Variants in STK3 observed in about 807,000 individuals in gnomAD.
STK3 encodes serine/threonine-protein kinase 3.
Under a neutral mutation model 58.0 loss-of-function variants are expected in STK3, and 41 were observed. That is an observed-to-expected ratio of 0.71 (90% CI 0.55 to 0.92). The LOEUF is 0.92. Among genes scored for constraint, STK3 ranks in the 40% least tolerant of loss-of-function variants. STK3 has a pLI of 0.00. For synonymous variants in STK3, 170 were observed against 191.0 expected (o/e 0.89, Z 0.91); for missense variants, 479 against 602.7 (o/e 0.79, Z 2.15).
At chr8:98,432,373 G>T (rs1283603811) in intron 3 of STK3, 1 of 167,090 alleles carries the variant, frequency 6.0e-6, no homozygotes, top group Non-Finnish European at 1.5e-5. Flanking sequence ...TATGGGCCAG[G>T]CTTTGATATC....
chr8:98,561,028 C>T (rs141525454), intron 8 of STK3, among the ~76,000 whole-genome samples: 4 of 151,818 alleles, frequency 2.6e-5, no homozygotes, highest in Admixed American at 6.6e-5. Flanking sequence ...AGCAAGATGC[C>T]GTGTCCAAAA....
chr8:98,854,094 A>C (rs1836578677), intron 3 of STK3, among the ~76,000 whole-genome samples: 1 of 152,206 alleles, frequency 6.6e-6, no homozygotes, highest in Non-Finnish European at 1.5e-5. Flanking sequence ...AAAAGAAATA[A>C]AAGACATTGA....
intron 6 of STK3, among the ~76,000 whole-genome samples, chr8:98,636,274 T>C (rs1317118298): frequency 6.6e-6 from 1 of 152,150 alleles, no homozygotes; most frequent in African/African-American, 2.4e-5. Flanking sequence ...AAAGCTAGGA[T>C]TCTACCACTG....
intron 6 of STK3, among the ~76,000 whole-genome samples, chr8:98,657,714 CA>C (rs377123993): frequency 6.7e-6 from 1 of 149,980 alleles, no homozygotes; most frequent in Admixed American, 6.6e-5. Flanking sequence ...TGCAAAAAAG[CA>C]AAAAAAAGAG....
chr8:98,939,090 A>G (rs1437581430), intron 1 of STK3, among the ~76,000 whole-genome samples: 1 of 152,150 alleles, frequency 6.6e-6, no homozygotes, highest in Non-Finnish European at 1.5e-5. Context: ...GTTTCCAAGT[A>G]CTTGAAGGTG....
At chr8:98,734,387 A>G (rs772556838) in intron 4 of STK3, among the ~76,000 whole-genome samples, 5 of 152,168 alleles carry the variant, frequency 3.3e-5, no homozygotes, top group African/African-American at 1.2e-4. Context: ...ACTAAAACCC[A>G]TATTGCTGAA....
At chr8:98,516,249 T>C (rs1824923938) in intron 10 of STK3, among the ~76,000 whole-genome samples, 1 of 151,986 alleles carries the variant, frequency 6.6e-6, no homozygotes, top group African/African-American at 2.4e-5. Flanking sequence ...TAAATGACCA[T>C]AGACAAGGAA....
chr8:98,871,103 C>G (rs1837359497), intron 3 of STK3, among the ~76,000 whole-genome samples: 2 of 152,186 alleles, frequency 1.3e-5, no homozygotes, highest in Non-Finnish European at 1.5e-5. Context: ...AATAGGGAAT[C>G]CTTTCCCCAT....
intron 3 of STK3, among the ~76,000 whole-genome samples, chr8:98,393,951 C>T (rs1321547971): frequency 6.6e-6 from 1 of 152,198 alleles, no homozygotes; most frequent in African/African-American, 2.4e-5. Context: ...TAACTAGCCA[C>T]TGTAGAGGCT....
At chr8:98,813,647 T>C (rs367630829) in intron 1 of STK3, among the ~76,000 whole-genome samples, 251 of 152,288 alleles carry the variant, frequency 1.6e-3, no homozygotes, top group African/African-American at 5.7e-3. Context: ...GGACTCTAAT[T>C]TTTATTATCT....
intron 1 of STK3, among the ~76,000 whole-genome samples, chr8:98,444,154 C>T (rs923912258): frequency 3.3e-5 from 5 of 152,118 alleles, no homozygotes; most frequent in African/African-American, 1.2e-4. Flanking sequence ...AAGTAGATAC[C>T]ATAATGCAAT....
chr8:98,799,458 G>T (rs1833378153), intron 1 of STK3, among the ~76,000 whole-genome samples: 1 of 151,102 alleles, frequency 6.6e-6, no homozygotes, highest in Non-Finnish European at 1.5e-5. Context: ...AAGTCAAAAA[G>T]AAAGGGAGAT....
chr8:98,356,088 C>T, the STK3 span, among the ~76,000 whole-genome samples: 16,340 of 152,212 alleles, frequency 0.11, 994 homozygotes, highest in East Asian at 0.19. Context: ...GCCTATCCTA[C>T]CATGGGTGAT....
downstream of STK3, chr8:98,880,443 T>C (rs1837752457): frequency 1.3e-5 from 2 of 152,240 alleles, no homozygotes; most frequent in South Asian, 4.1e-4. Context: ...TGTAAAAATG[T>C]AATAGAATGT....
At position 98,599,019 on chromosome 8, in the gene STK3, T is replaced by C. The variant is rs546958993; in HGVS notation, c.685-2850A>G. On this transcript the variant is annotated intron_variant, in intron 6 of 10. Transcript: ENST00000419617. ...GAGAATCAACAATGACTGAACTTTA[T>C]AATCTCAGTGGAATGAGTCAACACA... is the stretch of plus-strand genomic sequence containing the variant. The C allele has an allele frequency of 1.2e-5, 6 of 486,676 alleles. No individual in the cohort carries two copies. In the South Asian group the frequency reaches 5.2e-4, roughly 42 times the overall value. 30.1% of individuals were successfully genotyped at this position (486,676 alleles called of 1,614,324 possible).
chr8:98,655,120 C>T (rs1236390976), intron 6 of STK3, among the ~76,000 whole-genome samples: 4 of 152,070 alleles, frequency 2.6e-5, no homozygotes, highest in East Asian at 1.9e-4. Context: ...CAGCATGGTA[C>T]TGGTACCAAA....
chr8:98,667,590 GCAT>G (rs775603607), intron 6 of STK3, among the ~76,000 whole-genome samples: 13 of 152,024 alleles, frequency 8.6e-5, no homozygotes, highest in Non-Finnish European at 1.8e-4. Flanking sequence ...TAAATATGCA[GCAT>G]CATTTTAAAA....
rs548543748 is a variant in STK3 at position 98,597,408 on chromosome 8, C to T, written c.685-1239G>A. ...AGATTAGAATATTTTATATACCTCA[C>T]GTCATGTTATACATATTACATCTAT... On this transcript the variant is annotated intron_variant, in intron 6 of 10. Coordinates refer to ENST00000419617, the MANE Select transcript of STK3 (RefSeq NM_006281.4). 2.4e-5 allele frequency: 24 copies of T among 985,006 alleles called. 1 individual carries two copies. In the South Asian group the frequency reaches 6.1e-4, roughly 25 times the overall value. The allele number at this position is 985,006 out of a possible 1,614,324, so 61.0% of individuals were successfully genotyped here. A position where few individuals can be genotyped will look rare whatever the true frequency, so the allele number is the denominator to read the frequency against.
chr8:98,732,683 A>G (rs894082920), intron 4 of STK3, among the ~76,000 whole-genome samples: 1 of 152,198 alleles, frequency 6.6e-6, no homozygotes, highest in African/African-American at 2.4e-5. Context: ...CCAAGAGTCA[A>G]GTGAAAAGAA....
Sources: gnomAD v4.1 joint callset for allele counts (sites outside exome capture counted in the v4.1 genomes callset) on GRCh38, gnomAD v4.1.1 for gene constraint, MANE v1.5 for transcripts, NCBI Gene and HGNC (gene_info 2026-07-23, HGNC 2026-07-21) for gene names.